The following RDX variants were observed in gnomAD, a reference collection of about 807,000 sequenced individuals.
RDX encodes deafness, autosomal recessive 24.
A neutral mutation model predicts 83.7 loss-of-function variants in RDX; 32 were observed. That is an observed-to-expected ratio of 0.38 (90% CI 0.29 to 0.51). The LOEUF is 0.51. Among genes scored for constraint, RDX ranks in the 20% least tolerant of loss-of-function variants. RDX has a pLI of 0.87. For missense variants in RDX, 600 were observed against 689.9 expected, an observed-to-expected ratio of 0.87 and a Z score of 1.46; for synonymous variants, 229 against 222.7, an observed-to-expected ratio of 1.03 and a Z score of -0.25.
chr11:110,242,546 A>T (rs1351334360), intron 10 of RDX, among the ~76,000 whole-genome samples: 1 of 152,128 alleles, frequency 6.6e-6, no homozygotes, highest in Non-Finnish European at 1.5e-5. Context: ...AAGAGAAATA[A>T]GTCTGGGTTA....
chr11:110,241,614 A>G (rs951416076), intron 10 of RDX, among the ~76,000 whole-genome samples: 1 of 152,210 alleles, frequency 6.6e-6, no homozygotes, highest in African/African-American at 2.4e-5. Context: ...TTAATAATTA[A>G]TTCTTTTCAT....
intron 1 of RDX, among the ~76,000 whole-genome samples, chr11:110,295,308 TAAAA>T (rs200732024): frequency 2.4e-5 from 3 of 127,352 alleles, no homozygotes; most frequent in African/African-American, 8.9e-5. Flanking sequence ...TTTAGTGTTC[TAAAA>T]AAAAAAAAAA....
intron 14 of RDX, among the ~76,000 whole-genome samples, chr11:110,216,767 C>A (rs1048346627): frequency 2.6e-5 from 4 of 152,166 alleles, no homozygotes; most frequent in African/African-American, 9.7e-5. Flanking sequence ...ATCCTCCCAC[C>A]TCAGCCTCCC....
At chr11:110,264,363 G>A in intron 4 of RDX, 129 bp from the exon 5 acceptor site, 2 of 672,522 alleles carry the variant, frequency 3.0e-6, no homozygotes, top group Admixed American at 5.9e-5. Flanking sequence ...ATTTTAGTGT[G>A]TAATAGTCTA....
intron 5 of RDX, 122 bp downstream of exon 5, chr11:110,263,838 A>G: frequency 1.2e-6 from 1 of 847,920 alleles, no homozygotes; most frequent in East Asian, 2.7e-5. Flanking sequence ...ACTGCACTCC[A>G]GCATGGGTGA....
chr11:110,198,377 T>C (rs1006502298), intron 15 of RDX, among the ~76,000 whole-genome samples: 4 of 152,146 alleles, frequency 2.6e-5, no homozygotes, highest in Non-Finnish European at 1.5e-5. Context: ...TACATAATAC[T>C]ATATTAACCT....
At chr11:110,246,684 A>G (rs2134337897) in intron 10 of RDX, among the ~76,000 whole-genome samples, 1 of 151,416 alleles carries the variant, frequency 6.6e-6, no homozygotes, top group East Asian at 2.0e-4. Flanking sequence ...CTCAGGCAGG[A>G]GAATAGCTTG....
intron 15 of RDX, among the ~76,000 whole-genome samples, chr11:110,189,306 A>C (rs1366298319): frequency 6.7e-6 from 1 of 150,222 alleles, no homozygotes; most frequent in East Asian, 2.0e-4. Context: ...GATCAATTCA[A>C]CAAGAGACTT....
intron 15 of RDX, chr11:110,199,518 A>T: frequency 1.4e-6 from 1 of 698,886 alleles, no homozygotes; most frequent in Non-Finnish European, 2.6e-6. Context: ...CTGGCAGTGG[A>T]AGGTGTGGCA....
chr11:110,269,163 G>GTAAAATATGTA (rs1860190184), intron 3 of RDX, among the ~76,000 whole-genome samples: 1 of 151,808 alleles, frequency 6.6e-6, no homozygotes, highest in East Asian at 1.9e-4. Flanking sequence ...TATTGGACAG[G>GTAAAATATGTA]AAAAGGTACA....
intron 1 of RDX, among the ~76,000 whole-genome samples, chr11:110,282,072 G>A (rs1400071594): frequency 6.6e-6 from 1 of 150,880 alleles, no homozygotes; most frequent in Non-Finnish European, 1.5e-5. Flanking sequence ...CTGGGTGACA[G>A]AGCAAGACCC....
Position 110,211,291 on chromosome 11 carries a change from A to G in RDX, c.1749-11613T>C, listed in dbSNP as rs554558091. Among the ~76,000 whole-genome samples, 147 of 152,344 alleles carry G rather than the reference A, an allele frequency of 9.6e-4. 1 individual carries two copies. The highest frequency in any genetic ancestry group is 4.8e-3 in the South Asian group (23 of 4,824). ...TTCAGCAAGAAGAGCTAACTATCCT[A>G]AATATATATGCACCCAATACAGGAG... is the stretch of plus-strand genomic sequence containing the variant. On this transcript the variant is annotated intron_variant, in intron 14 of 15. Coordinates refer to the RDX transcript ENST00000528498.
chr11:110,289,114 T>G (rs1008850034), intron 1 of RDX, among the ~76,000 whole-genome samples: 1 of 151,936 alleles, frequency 6.6e-6, no homozygotes, highest in South Asian at 2.1e-4. Context: ...GGCGCATGCC[T>G]GTAATCCCAG....
At position 110,211,569 on chromosome 11, in the gene RDX, A is replaced by G. The variant is rs1198610461; in HGVS notation, c.1749-11891T>C. Among the ~76,000 whole-genome samples the G allele has an allele frequency of 2.6e-5, 4 of 151,692 alleles. No individual in the cohort carries two copies. The South Asian group carries it at 8.4e-4, about 32-fold the overall frequency. ...CCACACCACACCTATTCCAAAATTG[A>G]CCACATACTGGGAAGTAAAGCTCTC... On this transcript the variant is annotated intron_variant, in intron 14 of 15. Coordinates refer to the RDX transcript ENST00000528498.
intron 2 of RDX, among the ~76,000 whole-genome samples, chr11:110,279,204 A>T (rs1860650035): frequency 6.6e-6 from 1 of 152,172 alleles, no homozygotes; most frequent in Middle Eastern, 3.2e-3. Context: ...TTTATATGCA[A>T]GGAAATTAAA....
intron 9 of RDX, 70 bp from the exon 10 acceptor site, chr11:110,247,903 T>A (rs1591148794): frequency 1.3e-6 from 2 of 1,500,374 alleles, no homozygotes; most frequent in East Asian, 4.9e-5. Context: ...GGAATACTAC[T>A]CTGCCATAAA....
At chr11:110,284,526 A>ATT (rs11335075) in intron 1 of RDX, among the ~76,000 whole-genome samples, 1 of 144,798 alleles carries the variant, frequency 6.9e-6, no homozygotes, top group Non-Finnish European at 1.5e-5. Flanking sequence ...TATTATTATT[A>ATT]TTTTTTTTTT....
intron 14 of RDX, among the ~76,000 whole-genome samples, chr11:110,219,378 G>A (rs751029926): frequency 3.9e-5 from 6 of 152,170 alleles, no homozygotes; most frequent in Admixed American, 6.5e-5. Flanking sequence ...AAAAGAACAT[G>A]GCTTTTACTC....
chr11:110,269,672 A>G (rs564107240), intron 3 of RDX, among the ~76,000 whole-genome samples: 1 of 152,336 alleles, frequency 6.6e-6, no homozygotes, highest in African/African-American at 2.4e-5. Flanking sequence ...TTTGAGTTCA[A>G]GGAAAGCAGT....
Sources: allele counts gnomAD v4.1 joint callset (sites outside exome capture counted in the v4.1 genomes callset), GRCh38; gene constraint gnomAD v4.1.1; transcripts MANE v1.5; gene names NCBI Gene and HGNC (gene_info 2026-07-23, HGNC 2026-07-21).